Variants in ST8SIA6 observed in about 807,000 individuals in gnomAD.
ST8SIA6 encodes the protein ST8 alpha-N-acetyl-neuraminide alpha-2,8-sialyltransferase 6.
ST8SIA6 carries 39 observed loss-of-function variants against 33.6 expected under a neutral mutation model. The observed-to-expected ratio is 1.16, with a 90% confidence interval of 0.90 to 1.52. The LOEUF is 1.52. Among genes scored for constraint, ST8SIA6 ranks in the 40% most tolerant of loss-of-function variants. The pLI is 0.00. For synonymous variants in ST8SIA6, 172 were observed against 167.2 expected (o/e 1.03, Z -0.22); for missense variants, 441 against 443.8 (o/e 0.99, Z 0.06).
intron 2 of ST8SIA6, among the ~76,000 whole-genome samples, chr10:17,392,497 G>A (rs1199034148): frequency 1.3e-5 from 2 of 152,160 alleles, no homozygotes; most frequent in Non-Finnish European, 2.9e-5. Flanking sequence ...CTGCACTCCA[G>A]CCTGGGTGAC....
At chr10:17,352,765 GA>G (rs1849075940) in intron 4 of ST8SIA6, among the ~76,000 whole-genome samples, 1 of 152,052 alleles carries the variant, frequency 6.6e-6, no homozygotes, top group Non-Finnish European at 1.5e-5. Flanking sequence ...ATTAAATACG[GA>G]AGAAGTAATG....
chr10:17,445,839 C>T (rs73597917), intron 2 of ST8SIA6, among the ~76,000 whole-genome samples: 8,347 of 152,152 alleles, frequency 0.055, 753 homozygotes, highest in African/African-American at 0.19. Flanking sequence ...GTGGACCCAG[C>T]CCTCCCAGGG....
chr10:17,452,085 G>A lies in ST8SIA6; in HGVS notation c.200+1474C>T, dbSNP rs145816986. On this transcript the variant is annotated intron_variant, in intron 2 of 7. Transcript: ENST00000377602. ...CGAATGTGTAATAGCCACAGGACTCGGGAAAAGATGGAATGCTTCTCAGCT... is the reference window on the plus strand; with the variant it reads ...CGAATGTGTAATAGCCACAGGACTCAGGAAAAGATGGAATGCTTCTCAGCT... Among the ~76,000 whole-genome samples the A allele has an allele frequency of 5.2e-4, 79 of 152,274 alleles. 1 individual carries two copies. The highest frequency in any genetic ancestry group is 3.8e-3 in the Admixed American group (58 of 15,302).
intron 2 of ST8SIA6, among the ~76,000 whole-genome samples, chr10:17,413,122 T>C (rs1409902259): frequency 6.6e-6 from 1 of 152,218 alleles, no homozygotes; most frequent in East Asian, 1.9e-4. Context: ...AACACCTCTT[T>C]TTCAACTCTA....
chr10:17,428,806 C>T (rs1262925075), intron 2 of ST8SIA6, among the ~76,000 whole-genome samples: 4 of 152,146 alleles, frequency 2.6e-5, no homozygotes, highest in South Asian at 4.1e-4. Context: ...TGGTCAAATT[C>T]GAGGAAGCAA....
At chr10:17,339,448 T>A (rs552081286) in intron 4 of ST8SIA6, among the ~76,000 whole-genome samples, 25 of 152,318 alleles carry the variant, frequency 1.6e-4, no homozygotes, top group Non-Finnish European at 3.2e-4. Context: ...TCTCCATGAT[T>A]CTAATGAGGG....
Position 17,321,140 on chromosome 10 carries a change from C to T in ST8SIA6, c.935G>A (p.Arg312Lys), listed in dbSNP as rs781420295. 1 of 1,614,044 alleles carries T rather than the reference C, an allele frequency of 6.2e-7. No homozygotes were observed. Among genetic ancestry groups the T allele is most frequent in the South Asian group, 1.1e-5 (1 of 91,078 alleles). Residue 312 changes from arginine (R) to lysine (K), a missense_variant, in exon 8 of 8, where the codon AGA becomes AAA. By Grantham distance (26) the Arg-to-Lys change is conservative. Coordinates refer to ENST00000377602, the MANE Select transcript of ST8SIA6 (RefSeq NM_001004470.3). ...KYLKDLALFW[R>K]TKGVTAYRLS... ...GCGGTATGCAGTCACACCTTTAGTT[C>T]TCCAGAAAAGGGCCAGATCTTTCAG...
At chr10:17,397,226 GTTTTTTGTTTTTT>G (rs1214398265) in intron 2 of ST8SIA6, among the ~76,000 whole-genome samples, 1 of 80,060 alleles carries the variant, frequency 1.2e-5, no homozygotes, top group Non-Finnish European at 2.4e-5. Context: ...TTTGCAAATT[GTTTTTTGTTTTTT>G]TTTTTTTTTT....
intron 4 of ST8SIA6, 122 bp downstream of exon 4, chr10:17,359,392 T>G (rs538390651): frequency 4.6e-6 from 3 of 645,304 alleles, no homozygotes; most frequent in South Asian, 4.6e-5. Context: ...TAGAATTCAG[T>G]TGGCCTCATT....
intron 2 of ST8SIA6, among the ~76,000 whole-genome samples, chr10:17,437,657 C>CCTTT (rs1390243999): frequency 9.5e-6 from 1 of 104,888 alleles, no homozygotes. Flanking sequence ...TTCCTTCCTT[C>CCTTT]CTTCCTTCTG....
At chr10:17,341,008 A>C (rs1013383324) in intron 4 of ST8SIA6, among the ~76,000 whole-genome samples, 3 of 152,192 alleles carry the variant, frequency 2.0e-5, no homozygotes, top group African/African-American at 7.2e-5. Context: ...GGCCCAGAGA[A>C]GGTGAAAGAG....
intron 4 of ST8SIA6, among the ~76,000 whole-genome samples, chr10:17,333,928 G>A (rs1848417490): frequency 6.7e-6 from 1 of 149,152 alleles, no homozygotes; most frequent in Non-Finnish European, 1.5e-5. Context: ...AACCATGTTG[G>A]CCAGGCTGAT....
intron 4 of ST8SIA6, among the ~76,000 whole-genome samples, chr10:17,356,199 C>T (rs1209188269): frequency 1.3e-5 from 2 of 151,190 alleles, no homozygotes; most frequent in Non-Finnish European, 2.9e-5. Flanking sequence ...TTGTTGAGGC[C>T]CTATTTTGTG....
At chr10:17,353,489 AAATG>A (rs1489843161) in intron 4 of ST8SIA6, among the ~76,000 whole-genome samples, 4 of 152,218 alleles carry the variant, frequency 2.6e-5, no homozygotes, top group African/African-American at 9.6e-5. Context: ...ACATAAATAA[AAATG>A]AAAGCAAGAT....
At chr10:17,335,334 A>G (rs1174464763) in intron 4 of ST8SIA6, among the ~76,000 whole-genome samples, 2 of 152,214 alleles carry the variant, frequency 1.3e-5, no homozygotes, top group Admixed American at 1.3e-4. Flanking sequence ...CACTTCTATT[A>G]TTGGTTTAGT....
rs368257348 is a variant in ST8SIA6, at chr10:17,344,927, C to A, written c.378-13375G>T. ...GCAAGAAAGATAGGATATCTTTTCA[C>A]GTGGACATGAATGGATAAACAAATC... is the stretch of plus-strand genomic sequence containing the variant. On this transcript the variant is annotated intron_variant, in intron 4 of 7. Transcript: ENST00000377602. Among the ~76,000 whole-genome samples, 3 of 152,268 alleles carry A rather than the reference C, an allele frequency of 2.0e-5. No homozygotes were observed. The South Asian group carries it at 6.2e-4, about 32-fold the overall frequency.
At chr10:17,323,229 G>GCGCATGCACACACA (rs112083592) in intron 6 of ST8SIA6, 72 bp from the exon 7 acceptor site, 29 of 794,430 alleles carry the variant, frequency 3.7e-5, no homozygotes, top group Admixed American at 1.5e-4. Context: ...ACATATGCGC[G>GCGCATGCACACACA]CACACACACA....
At chr10:17,358,605 AGGAG>A (rs1302125566) in intron 4 of ST8SIA6, among the ~76,000 whole-genome samples, 4 of 151,414 alleles carry the variant, frequency 2.6e-5, no homozygotes, top group South Asian at 2.1e-4. Context: ...AAGGAGGAGA[AGGAG>A]GGAGGAAGGA....
intron 4 of ST8SIA6, among the ~76,000 whole-genome samples, 167 bp downstream of exon 4, chr10:17,359,341 AGAGATG>A (rs1849306355): frequency 6.6e-6 from 1 of 152,152 alleles, no homozygotes; most frequent in Non-Finnish European, 1.5e-5. Flanking sequence ...TTTATACACA[AGAGATG>A]GAGATGGAAT....
Sources: allele counts gnomAD v4.1 joint callset (sites outside exome capture counted in the v4.1 genomes callset), GRCh38; gene constraint gnomAD v4.1.1; transcripts MANE v1.5; gene names NCBI Gene and HGNC (gene_info 2026-07-23, HGNC 2026-07-21).